Variants in RYR3 observed in about 807,000 individuals in gnomAD.
RYR3 encodes the protein brain ryanodine receptor-calcium release channel.
A neutral mutation model predicts 584.3 loss-of-function variants in RYR3; 207 were observed. That is an observed-to-expected ratio of 0.35 (90% CI 0.32 to 0.40). RYR3 has a LOEUF of 0.40. Ranked by LOEUF, RYR3 falls within the 10% of genes least tolerant of loss-of-function variation. The pLI is 1.00. For synonymous variants in RYR3, 2,416 were observed against 2,248.5 expected, an observed-to-expected ratio of 1.07 and a Z score of -2.11; for missense variants, 5,616 against 6,089.2, an observed-to-expected ratio of 0.92 and a Z score of 2.59.
Position 33,601,559 on chromosome 15 carries a change from C to T in RYR3, c.1922+7C>T. On this transcript the variant is annotated splice_region_variant and intron_variant, in intron 17 of 103. Coordinates refer to ENST00000634891, the MANE Select transcript of RYR3 (RefSeq NM_001036.6). ...TGATTAACGATGTAACCAGGTAAGGCCACCACCACCATTCCAAATGCCAAG... is the reference window on the plus strand; with the variant it reads ...TGATTAACGATGTAACCAGGTAAGGTCACCACCACCATTCCAAATGCCAAG... 6.3e-7 allele frequency: 1 copy of T among 1,598,130 alleles called. No individual in the cohort carries two copies. The highest frequency in any genetic ancestry group is 8.6e-7 in the Non-Finnish European group (1 of 1,166,696).
chr15:33,480,350 T>G (rs1420693003), intron 2 of RYR3, among the ~76,000 whole-genome samples: 3 of 152,216 alleles, frequency 2.0e-5, no homozygotes, highest in Non-Finnish European at 4.4e-5. Context: ...TTATGAAGAT[T>G]CAGTGACACA....
chr15:33,348,731 C>T (rs1972799752), intron 1 of RYR3, among the ~76,000 whole-genome samples: 1 of 152,062 alleles, frequency 6.6e-6, no homozygotes, highest in Non-Finnish European at 1.5e-5. Context: ...CCACCTCTGC[C>T]TCCCAAAGTG....
In RYR3 at chr15:33,773,579, A is replaced by T. The variant is rs760613353; in HGVS notation, c.9101A>T (p.Tyr3034Phe). 1.2e-6 allele frequency: 2 copies of T among 1,609,486 alleles called. No individual in the cohort carries two copies. Among genetic ancestry groups the T allele is most frequent in the Non-Finnish European group, 1.7e-6 (2 of 1,177,878 alleles). The change falls in exon 64 of 104, where the codon TAC becomes TTC. Residue 3034 changes from tyrosine to phenylalanine, a missense_variant. Tyr to Phe is a conservative substitution (Grantham distance 22). Coordinates refer to ENST00000634891, the MANE Select transcript of RYR3 (RefSeq NM_001036.6). ...TGCTACCACATACTGTGCAGCCTCT[A>T]CTCCCTTGGGACGGGAAAGAACATT... ...ISCYHILCSL[Y>F]SLGTGKNIYV... is the part of the protein sequence containing the mutation.
intron 76 of RYR3, among the ~76,000 whole-genome samples, chr15:33,819,462 A>G (rs999364316): frequency 1.3e-5 from 2 of 152,126 alleles, no homozygotes; most frequent in Non-Finnish European, 2.9e-5. Flanking sequence ...ACTTGAGGTC[A>G]GGAGTTTGAG....
intron 12 of RYR3, among the ~76,000 whole-genome samples, chr15:33,571,593 C>G (rs2058030047): frequency 6.6e-6 from 1 of 152,124 alleles, no homozygotes; most frequent in Non-Finnish European, 1.5e-5. Flanking sequence ...AAGTCTACTT[C>G]ATAGAGCCAT....
At chr15:33,548,687 G>A (rs970724595) in intron 9 of RYR3, among the ~76,000 whole-genome samples, 2 of 152,214 alleles carry the variant, frequency 1.3e-5, no homozygotes, top group African/African-American at 2.4e-5. Flanking sequence ...ACTTTTCAGA[G>A]ACAGTTTTGT....
chr15:33,417,463 G>GT (rs2141565643), intron 1 of RYR3, among the ~76,000 whole-genome samples: 1 of 152,030 alleles, frequency 6.6e-6, no homozygotes, highest in East Asian at 1.9e-4. Context: ...AAGTGAGATT[G>GT]TATCATCTAT....
At chr15:33,664,589 G>GTGTATATATATATATATATATATATA (rs577496539) in intron 36 of RYR3, among the ~76,000 whole-genome samples, 21 of 91,368 alleles carry the variant, frequency 2.3e-4, no homozygotes, top group Non-Finnish European at 3.2e-4. Flanking sequence ...GTGTGTGTGT[G>GTGTATATATATATATATATATATATA]TATATATATA....
chr15:33,811,150 G>A (rs1019370341), intron 72 of RYR3, 113 bp downstream of exon 72: 1 of 903,426 alleles, frequency 1.1e-6, no homozygotes, highest in Non-Finnish European at 1.8e-6. Context: ...AAAACAGTTT[G>A]GGGGTATTTG....
rs529492040 is a variant in RYR3 at position 33,663,853 on chromosome 15, A to G, written c.5619+116A>G. 2.0e-5 allele frequency: 17 copies of G among 834,576 alleles called. No individual in the cohort carries two copies. The African/African-American group carries it at 2.8e-4, about 14-fold the overall frequency. The allele number at this position is 834,576 out of a possible 1,614,324, so 51.7% of individuals were successfully genotyped here. ...GCAGCCTCAAGAGCTATGGAAGATG[A>G]AAAGACCCACTGCAATACCAGGAGA... is the stretch of plus-strand genomic sequence containing the variant. On this transcript the variant is annotated intron_variant, in intron 36 of 103. Coordinates refer to ENST00000634891, the MANE Select transcript of RYR3 (RefSeq NM_001036.6).
intron 1 of RYR3, among the ~76,000 whole-genome samples, chr15:33,416,100 C>A (rs889190292): frequency 2.0e-5 from 3 of 152,148 alleles, no homozygotes; most frequent in Admixed American, 1.3e-4. Context: ...ATCTAATCCA[C>A]CATTGATGGG....
At chr15:33,550,110 A>C (rs1399514344) in intron 9 of RYR3, 50 bp from the exon 10 acceptor site, 1 of 1,581,210 alleles carries the variant, frequency 6.3e-7, no homozygotes, top group African/African-American at 1.4e-5. Flanking sequence ...AATACTGAAA[A>C]GGACTTATTT....
intron 49 of RYR3, among the ~76,000 whole-genome samples, chr15:33,738,164 G>A (rs1419785663): frequency 6.6e-6 from 1 of 152,140 alleles, no homozygotes; most frequent in African/African-American, 2.4e-5. Flanking sequence ...TTTCTGGTGT[G>A]AACTAGAAAC....
rs879027877 is a variant in RYR3 at position 33,699,613 on chromosome 15, C to T, written c.6250-91C>T. Reference sequence around the variant, plus strand: ...GAAAGTTCATTTTTCCAAGTGTTCACACTTTACCCACTTAAGACTCTGAGG... The same window carrying T: ...GAAAGTTCATTTTTCCAAGTGTTCATACTTTACCCACTTAAGACTCTGAGG... On this transcript the variant is annotated intron_variant, in intron 40 of 103. Transcript: ENST00000634891. 23 of 1,209,302 alleles carry T rather than the reference C, an allele frequency of 1.9e-5. 2 individuals are homozygous for T. In the South Asian group the frequency reaches 3.0e-4, roughly 16 times the overall value. 74.9% of individuals were successfully genotyped at this position (1,209,302 alleles called of 1,614,324 possible).
chr15:33,457,690 G>A (rs570063969), intron 1 of RYR3, among the ~76,000 whole-genome samples: 14 of 152,132 alleles, frequency 9.2e-5, no homozygotes, highest in African/African-American at 3.1e-4. Context: ...TCACAATATC[G>A]TATACTTTAA....
intron 7 of RYR3, among the ~76,000 whole-genome samples, chr15:33,543,040 A>G (rs1456686408): frequency 1.3e-5 from 2 of 152,102 alleles, no homozygotes; most frequent in African/African-American, 4.8e-5. Context: ...AAGCGTCTAC[A>G]CTTGTTCACT....
chr15:33,855,062 T>C, intron 98 of RYR3, 150 bp downstream of exon 98: 1 of 751,210 alleles, frequency 1.3e-6, no homozygotes, highest in South Asian at 4.9e-5. Context: ...ATGGTGATTG[T>C]TTTTGCAAAA....
At chr15:33,381,047 C>T (rs573518184) in intron 1 of RYR3, among the ~76,000 whole-genome samples, 4 of 152,264 alleles carry the variant, frequency 2.6e-5, no homozygotes, top group South Asian at 4.1e-4. Flanking sequence ...CTTCTGTCTC[C>T]TATCTTTAGT....
intron 102 of RYR3, among the ~76,000 whole-genome samples, chr15:33,863,187 G>A (rs764097003): frequency 6.6e-6 from 1 of 152,094 alleles, no homozygotes; most frequent in Non-Finnish European, 1.5e-5. Context: ...AATTTTATTC[G>A]TGTTTGAGCC....
Sources: allele counts gnomAD v4.1 joint callset (sites outside exome capture counted in the v4.1 genomes callset), GRCh38; gene constraint gnomAD v4.1.1; transcripts MANE v1.5; gene names NCBI Gene and HGNC (gene_info 2026-07-23, HGNC 2026-07-21).